The following SVIL variants were observed in gnomAD, a reference collection of about 807,000 sequenced individuals.
SVIL encodes supervillin, also known as archvillin.
Under a neutral mutation model 240.4 loss-of-function variants are expected in SVIL, and 101 were observed. That is an observed-to-expected ratio of 0.42 (90% CI 0.36 to 0.50). The LOEUF is 0.50. Ranked by LOEUF, SVIL falls within the 20% of genes least tolerant of loss-of-function variation. The pLI, the probability that SVIL is intolerant of heterozygous loss-of-function variation, is 0.01. For missense variants in SVIL, 2,512 were observed against 2,818.7 expected, an observed-to-expected ratio of 0.89 and a Z score of 2.46; for synonymous variants, 999 against 1,100.0, an observed-to-expected ratio of 0.91 and a Z score of 1.82.
intron 1 of SVIL, among the ~76,000 whole-genome samples, chr10:29,703,971 T>A (rs115179153): frequency 1.1e-3 from 170 of 152,214 alleles, no homozygotes; most frequent in Non-Finnish European, 2.0e-3. Flanking sequence ...CAGCTAATTT[T>A]TTAATTTTTT....
chr10:29,604,496 T>G (rs1956944108), intron 1 of SVIL, among the ~76,000 whole-genome samples: 1 of 151,558 alleles, frequency 6.6e-6, no homozygotes, highest in African/African-American at 2.4e-5. Context: ...GTGTTGGGAT[T>G]ACAGGCGTGA....
chr10:29,638,338 T>C (rs1483501395), upstream of SVIL, among the ~76,000 whole-genome samples: 3 of 151,748 alleles, frequency 2.0e-5, no homozygotes, highest in Non-Finnish European at 4.4e-5. Context: ...GGCTGGCATG[T>C]GCCTGTAATC....
At chr10:29,664,658 A>G (rs1959196190) in intron 2 of SVIL, among the ~76,000 whole-genome samples, 1 of 151,296 alleles carries the variant, frequency 6.6e-6, no homozygotes. Flanking sequence ...AGAAGAGTCA[A>G]TTTTATATTT....
intron 1 of SVIL, among the ~76,000 whole-genome samples, chr10:29,729,771 T>A (rs1453002091): frequency 8.1e-6 from 1 of 122,974 alleles, no homozygotes; most frequent in Non-Finnish European, 1.6e-5. Context: ...GAGGCAGAGG[T>A]TGCAGTGAGC....
chr10:29,626,963 G>C (rs966964711), intron 1 of SVIL, among the ~76,000 whole-genome samples: 1 of 152,208 alleles, frequency 6.6e-6, no homozygotes, highest in Admixed American at 6.5e-5. Context: ...GGCGGAGCTT[G>C]CAGTGAGCCG....
At chr10:29,616,533 T>A (rs1483649656) in intron 1 of SVIL, among the ~76,000 whole-genome samples, 1 of 152,212 alleles carries the variant, frequency 6.6e-6, no homozygotes, top group African/African-American at 2.4e-5. Context: ...TGCACTGATA[T>A]TTTTTATGTA....
Position 29,529,838 on chromosome 10 carries a change from C to T in SVIL, c.2113G>A (p.Glu705Lys). Residue 705 changes from glutamate (E) to lysine (K), a missense_variant, in exon 12 of 38, where the codon GAA becomes AAA. Physicochemically the swap from Glu to Lys is moderately conservative, Grantham distance 56. This residue lies in a region of SVIL where 1,443 missense variants were observed against 1,486.6 expected (regional missense o/e 0.97). Transcript: ENST00000355867. ...AAKRLLFREMEKSFDEQNVPK... is the reference protein window; with the variant it reads ...AAKRLLFREMKKSFDEQNVPK... ...ACATTTTGTTCATCAAAAGATTTTTCCATCTCCTAAGATTAGAAGTATTGT... is the reference window on the plus strand; with the variant it reads ...ACATTTTGTTCATCAAAAGATTTTTTCATCTCCTAAGATTAGAAGTATTGT... 5.6e-6 allele frequency: 9 copies of T among 1,609,324 alleles called. No individual in the cohort carries two copies. Among genetic ancestry groups the T allele is most frequent in the East Asian group, 2.2e-5 (1 of 44,682 alleles).
chr10:29,569,172 T>G, intron 2 of SVIL, 83 bp downstream of exon 2: 1 of 595,612 alleles, frequency 1.7e-6, no homozygotes. Context: ...TTTAAACTCA[T>G]GAGTTAGACA....
At chr10:29,660,154 A>G (rs4749474) in intron 2 of SVIL, among the ~76,000 whole-genome samples, 77,679 of 151,848 alleles carry the variant, frequency 0.51, 20,229 homozygotes, top group African/African-American at 0.61. Context: ...CCTTGTCTCT[A>G]CAAAAAAATT....
intron 16 of SVIL, among the ~76,000 whole-genome samples, chr10:29,513,756 C>A (rs1489304005): frequency 1.3e-5 from 2 of 152,182 alleles, no homozygotes; most frequent in African/African-American, 4.8e-5. Flanking sequence ...ATCACTTCAA[C>A]TTTCCTCAGG....
chr10:29,526,883 A>G, intron 13 of SVIL, 78 bp downstream of exon 13: 3 of 1,180,488 alleles, frequency 2.5e-6, no homozygotes, highest in Non-Finnish European at 3.5e-6. Context: ...CAAACGACAG[A>G]CATTCAAGAC....
chr10:29,625,708 C>T (rs180806844), intron 1 of SVIL, among the ~76,000 whole-genome samples: 3 of 152,258 alleles, frequency 2.0e-5, no homozygotes, highest in African/African-American at 4.8e-5. Flanking sequence ...GTGATCCACC[C>T]GCCTTGGCCT....
chr10:29,480,452 G>A, intron 29 of SVIL, 85 bp downstream of exon 29: 3 of 1,543,256 alleles, frequency 1.9e-6, no homozygotes, highest in Non-Finnish European at 2.6e-6. Flanking sequence ...CAGAGGGCAT[G>A]ACAGGGTTCA....
intron 17 of SVIL, among the ~76,000 whole-genome samples, chr10:29,502,671 ATGTG>A (rs150239875): frequency 6.7e-5 from 10 of 148,156 alleles, no homozygotes; most frequent in Non-Finnish European, 1.2e-4. Flanking sequence ...GTGTATGCAC[ATGTG>A]TGTGTGTGTG....
At chr10:29,716,198 TACAC>T (rs1322668580) in intron 1 of SVIL, among the ~76,000 whole-genome samples, 6 of 144,128 alleles carry the variant, frequency 4.2e-5, no homozygotes, top group African/African-American at 1.4e-4. Context: ...ATGAATATTT[TACAC>T]AGACAGCACA....
At chr10:29,463,977 G>T (rs1407013606) in intron 34 of SVIL, among the ~76,000 whole-genome samples, 1 of 152,214 alleles carries the variant, frequency 6.6e-6, no homozygotes, top group African/African-American at 2.4e-5. Flanking sequence ...AAGGGATAAT[G>T]CATGTGCCAC....
chr10:29,736,172 C>G (rs1439953388), upstream of SVIL, among the ~76,000 whole-genome samples: 1 of 152,172 alleles, frequency 6.6e-6, no homozygotes, highest in African/African-American at 2.4e-5. Flanking sequence ...CCCCAGGACA[C>G]GAACTCGCGC....
At chr10:29,545,833 G>T (rs1158236786) in intron 6 of SVIL, among the ~76,000 whole-genome samples, 1 of 120,238 alleles carries the variant, frequency 8.3e-6, no homozygotes, top group African/African-American at 3.3e-5. Flanking sequence ...CCAGCTTGGA[G>T]TCAGAGTGAG....
At chr10:29,502,673 G>A (rs372601262) in intron 17 of SVIL, among the ~76,000 whole-genome samples, 68 of 148,934 alleles carry the variant, frequency 4.6e-4, no homozygotes, top group African/African-American at 1.7e-3. Flanking sequence ...GTATGCACAT[G>A]TGTGTGTGTG....
Sources: gnomAD v4.1 joint callset for allele counts (sites outside exome capture counted in the v4.1 genomes callset) on GRCh38, gnomAD v4.1.1 for gene constraint, gnomAD v4.1.1 regional missense constraint, MANE v1.5 for transcripts, NCBI Gene and HGNC (gene_info 2026-07-23, HGNC 2026-07-21) for gene names.